Variants in MOB3B observed in about 807,000 individuals in gnomAD.
MOB3B encodes MOB kinase activator-like 2B.
In MOB3B, 7 loss-of-function variants were observed where a neutral mutation model predicts 18.7. The observed-to-expected ratio is 0.37, with a 90% CI of 0.21 to 0.70. The LOEUF (loss-of-function observed/expected upper bound fraction) is 0.70. MOB3B is among the 30% of genes least tolerant of loss of function. MOB3B has a pLI of 0.52. For missense variants in MOB3B, 253 were observed against 281.3 expected (o/e 0.90, Z 0.72); for synonymous variants, 111 against 99.9 (o/e 1.11, Z -0.66).
intron 3 of MOB3B, among the ~76,000 whole-genome samples, chr9:27,346,854 G>T (rs2131344563): frequency 6.6e-6 from 1 of 152,218 alleles, no homozygotes; most frequent in Admixed American, 6.5e-5. Flanking sequence ...AAATTAGCCA[G>T]TTGTGGTGGC....
chr9:27,516,120 C>G (rs1386885001), intron 1 of MOB3B, among the ~76,000 whole-genome samples: 2 of 152,142 alleles, frequency 1.3e-5, no homozygotes, highest in East Asian at 3.8e-4. Context: ...CTAAAAGAGG[C>G]AAGGAAGGAT....
chr9:27,432,524 C>T (rs140469916), intron 2 of MOB3B, among the ~76,000 whole-genome samples: 6 of 152,108 alleles, frequency 3.9e-5, no homozygotes, highest in African/African-American at 9.7e-5. Flanking sequence ...GTAGGTTTTC[C>T]GCAAGTCTCT....
chr9:27,363,261 C>A (rs1207369905), intron 2 of MOB3B, among the ~76,000 whole-genome samples: 1 of 152,052 alleles, frequency 6.6e-6, no homozygotes, highest in East Asian at 1.9e-4. Flanking sequence ...TCAGGTTTTT[C>A]GTTTTTTTGT....
chr9:27,475,353 C>T (rs62542380), intron 1 of MOB3B, among the ~76,000 whole-genome samples: 2 of 152,220 alleles, frequency 1.3e-5, no homozygotes, highest in Admixed American at 1.3e-4. Flanking sequence ...TGCCTGCTGA[C>T]CCAAAAAAAC....
intron 2 of MOB3B, among the ~76,000 whole-genome samples, chr9:27,413,135 AGAAG>A (rs1422271058): frequency 6.6e-6 from 1 of 152,226 alleles, no homozygotes; most frequent in African/African-American, 2.4e-5. Flanking sequence ...TAGTGGGAGA[AGAAG>A]GAAGTTGAGG....
intron 2 of MOB3B, among the ~76,000 whole-genome samples, chr9:27,444,314 A>AGGAG (rs1822658000): frequency 7.9e-6 from 1 of 126,232 alleles, no homozygotes; most frequent in Non-Finnish European, 1.7e-5. Flanking sequence ...AAAGGAAGGA[A>AGGAG]GAAAGGAAGG....
intron 2 of MOB3B, among the ~76,000 whole-genome samples, chr9:27,407,600 G>A (rs1317734280): frequency 1.3e-5 from 2 of 152,152 alleles, no homozygotes; most frequent in East Asian, 3.9e-4. Flanking sequence ...AAGCAGTGGT[G>A]ATAAGGTAGG....
At chr9:27,485,113 A>G (rs1385018043) in intron 1 of MOB3B, among the ~76,000 whole-genome samples, 1 of 152,168 alleles carries the variant, frequency 6.6e-6, no homozygotes, top group Non-Finnish European at 1.5e-5. Flanking sequence ...CCATATATTG[A>G]TAATATATCA....
chr9:27,360,947 A>T (rs1376137918), intron 2 of MOB3B, among the ~76,000 whole-genome samples: 1 of 152,086 alleles, frequency 6.6e-6, no homozygotes. Flanking sequence ...AGCCACATGC[A>T]GAGTTTATGG....
chr9:27,528,966 C>G (rs895621674), intron 1 of MOB3B, among the ~76,000 whole-genome samples: 4 of 152,144 alleles, frequency 2.6e-5, no homozygotes, highest in African/African-American at 9.7e-5. Flanking sequence ...CAGTTGTTGG[C>G]CCCAAAGTTA....
At chr9:27,369,200 T>C (rs1821380921) in intron 2 of MOB3B, among the ~76,000 whole-genome samples, 1 of 152,182 alleles carries the variant, frequency 6.6e-6, no homozygotes, top group African/African-American at 2.4e-5. Context: ...CCACACCTTC[T>C]GGTTTTTTTC....
intron 3 of MOB3B, among the ~76,000 whole-genome samples, chr9:27,345,342 A>G (rs1027634529): frequency 2.0e-5 from 3 of 152,066 alleles, no homozygotes; most frequent in African/African-American, 7.2e-5. Context: ...GATGATCCCT[A>G]AGCAAACTGT....
intron 2 of MOB3B, among the ~76,000 whole-genome samples, chr9:27,429,061 A>G (rs1362175621): frequency 6.6e-6 from 1 of 152,226 alleles, no homozygotes; most frequent in East Asian, 1.9e-4. Context: ...TTCAATCTAT[A>G]TGTAACCCCC....
At chr9:27,452,113 C>T (rs1322530760) in intron 2 of MOB3B, among the ~76,000 whole-genome samples, 3 of 152,136 alleles carry the variant, frequency 2.0e-5, no homozygotes, top group Non-Finnish European at 4.4e-5. Flanking sequence ...GATTCAGAAA[C>T]ATTTGTTTAA....
chr9:27,360,100 G>C (rs1821251408), intron 2 of MOB3B, among the ~76,000 whole-genome samples: 1 of 152,166 alleles, frequency 6.6e-6, no homozygotes, highest in African/African-American at 2.4e-5. Context: ...TAAATGGCTG[G>C]GAAGGTATTA....
intron 1 of MOB3B, among the ~76,000 whole-genome samples, chr9:27,522,927 A>T (rs700786): frequency 0.38 from 57,717 of 150,830 alleles, 11,517 homozygotes; most frequent in Middle Eastern, 0.51. Flanking sequence ...ATATATATAT[A>T]TTTTTTTCCG....
intron 2 of MOB3B, among the ~76,000 whole-genome samples, chr9:27,373,503 T>C (rs1821450089): frequency 6.6e-6 from 1 of 152,190 alleles, no homozygotes; most frequent in African/African-American, 2.4e-5. Context: ...GAAGTTGACC[T>C]AAGGACCTCC....
chr9:27,350,235 CAAAAA>C (rs34779449), intron 3 of MOB3B, among the ~76,000 whole-genome samples: 3 of 66,862 alleles, frequency 4.5e-5, no homozygotes, highest in African/African-American at 1.5e-4. Context: ...AAGTATATAC[CAAAAA>C]AAAAAAAAAA....
At chr9:27,422,112 G>A (rs1223152453) in intron 2 of MOB3B, among the ~76,000 whole-genome samples, 3 of 152,208 alleles carry the variant, frequency 2.0e-5, no homozygotes, top group Admixed American at 2.0e-4. Flanking sequence ...ATGAATACGT[G>A]AATGAATGCT....
Sources: gnomAD v4.1 joint callset for allele counts (sites outside exome capture counted in the v4.1 genomes callset) on GRCh38, gnomAD v4.1.1 for gene constraint, MANE v1.5 for transcripts, NCBI Gene and HGNC (gene_info 2026-07-23, HGNC 2026-07-21) for gene names.